VTI1A: variants seen among roughly 807,000 people sequenced by gnomAD.
The protein encoded by VTI1A is vesicle transport through interaction with t-SNAREs 1A.
In VTI1A, 22 loss-of-function variants were observed where a neutral mutation model predicts 34.9. The observed-to-expected ratio is 0.63, with a 90% CI of 0.45 to 0.90. The LOEUF is 0.90. Ranked by LOEUF, VTI1A falls within the 40% of genes least tolerant of loss-of-function variation. The pLI is 0.00. For synonymous variants in VTI1A, 87 were observed against 97.3 expected, an observed-to-expected ratio of 0.89 and a Z score of 0.62; for missense variants, 268 against 275.6, an observed-to-expected ratio of 0.97 and a Z score of 0.20.
intron 7 of VTI1A, among the ~76,000 whole-genome samples, chr10:112,695,746 C>A (rs6585171): frequency 5.3e-5 from 8 of 151,988 alleles, no homozygotes; most frequent in African/African-American, 1.9e-4. Context: ...CCAAGCAGCC[C>A]TGGAGTGGAC....
At chr10:112,642,215 T>A (rs77409651) in intron 5 of VTI1A, among the ~76,000 whole-genome samples, 8,923 of 152,218 alleles carry the variant, frequency 0.059, 668 homozygotes, top group East Asian at 0.31. Context: ...TTGTTCCAAT[T>A]TTTTTCCTAA....
At chr10:112,620,562 G>C (rs112655411) in intron 5 of VTI1A, among the ~76,000 whole-genome samples, 22 of 152,188 alleles carry the variant, frequency 1.4e-4, no homozygotes, top group African/African-American at 5.3e-4. Flanking sequence ...AGGCCGAGGC[G>C]GGTGGATGAC....
chr10:112,464,715 A>G (rs1254413175), intron 3 of VTI1A, 58 bp downstream of exon 3: 27 of 1,447,904 alleles, frequency 1.9e-5, no homozygotes, highest in Non-Finnish European at 2.6e-5. Context: ...TTTCCTCCTC[A>G]TGCCTCAGTC....
the VTI1A span, chr10:112,826,384 T>C: frequency 6.6e-6 from 1 of 152,228 alleles, no homozygotes; most frequent in Non-Finnish European, 1.5e-5. Flanking sequence ...GCAGTCTCTC[T>C]CCCAGGTATT....
At chr10:112,662,922 TACAA>T (rs71035396) in intron 5 of VTI1A, among the ~76,000 whole-genome samples, 1,880 of 106,130 alleles carry the variant, frequency 0.018, 39 homozygotes, top group African/African-American at 0.041. Flanking sequence ...TGCTTCTTCT[TACAA>T]ACAAACAAAC....
chr10:112,799,437 T>C (rs4918778), intron 7 of VTI1A, among the ~76,000 whole-genome samples: 120,839 of 152,130 alleles, frequency 0.79, 49,118 homozygotes, highest in Non-Finnish European at 0.89. Context: ...CTTATCTTGG[T>C]AAATCAGAAG....
intron 3 of VTI1A, among the ~76,000 whole-genome samples, chr10:112,525,571 G>T (rs190755745): frequency 2.0e-5 from 3 of 152,188 alleles, no homozygotes; most frequent in East Asian, 1.9e-4. Context: ...GGAATGTCTA[G>T]GTTTATTTAT....
the VTI1A span, among the ~76,000 whole-genome samples, chr10:112,853,785 G>C: frequency 2.0e-5 from 3 of 152,188 alleles, no homozygotes; most frequent in Non-Finnish European, 4.4e-5. Context: ...AGATTCTCCA[G>C]CTGTGGCCCT....
At chr10:112,620,456 A>G (rs1472924335) in intron 5 of VTI1A, among the ~76,000 whole-genome samples, 1 of 152,148 alleles carries the variant, frequency 6.6e-6, no homozygotes, top group Non-Finnish European at 1.5e-5. Flanking sequence ...TCAAGTGGGG[A>G]GAACTGGTAG....
intron 5 of VTI1A, among the ~76,000 whole-genome samples, chr10:112,565,616 C>T (rs1299041933): frequency 1.3e-5 from 2 of 152,084 alleles, no homozygotes; most frequent in African/African-American, 4.8e-5. Flanking sequence ...TAGTTTGCTC[C>T]TCATGCTGTA....
intron 7 of VTI1A, among the ~76,000 whole-genome samples, chr10:112,721,567 G>T (rs1332474198): frequency 6.6e-6 from 1 of 152,148 alleles, no homozygotes; most frequent in Non-Finnish European, 1.5e-5. Context: ...AGGCCTGAAG[G>T]GCTTTAGTTA....
intron 7 of VTI1A, among the ~76,000 whole-genome samples, chr10:112,678,924 G>A (rs1037213934): frequency 1.3e-5 from 2 of 152,194 alleles, no homozygotes; most frequent in African/African-American, 4.8e-5. Context: ...AGAAAACCTT[G>A]TAATGCTGAC....
At chr10:112,771,539 T>C (rs11196102) in intron 7 of VTI1A, among the ~76,000 whole-genome samples, 53 of 152,260 alleles carry the variant, frequency 3.5e-4, no homozygotes, top group Non-Finnish European at 1.0e-4. Context: ...TTTCAGTAAC[T>C]GCTTTATTGA....
rs1590185494 is a variant in VTI1A, at chr10:112,788,665, T to C, written c.561-26625T>C. 2.0e-5 allele frequency among the ~76,000 whole-genome samples: 3 copies of C among 152,156 alleles called. No homozygotes were observed. The East Asian group carries it at 5.8e-4, about 29-fold the overall frequency. The stretch of plus-strand genomic sequence containing the variant: ...ATTTAGTCCATTAACATTTAACATG[T>C]GATTTTTTTTAGTCCTGTTGAATTT... On this transcript the variant is annotated intron_variant, in intron 7 of 7. Coordinates refer to ENST00000393077, the MANE Select transcript of VTI1A (RefSeq NM_145206.4).
chr10:112,612,451 C>T (rs902230975), intron 5 of VTI1A, among the ~76,000 whole-genome samples: 2 of 152,196 alleles, frequency 1.3e-5, no homozygotes, highest in African/African-American at 2.4e-5. Context: ...GTCTTGCTCA[C>T]TCTGTCACCC....
intron 5 of VTI1A, among the ~76,000 whole-genome samples, chr10:112,594,397 G>A (rs1472854943): frequency 6.6e-6 from 1 of 152,066 alleles, no homozygotes; most frequent in Non-Finnish European, 1.5e-5. Flanking sequence ...CGACATGATT[G>A]TATATCTAGA....
At chr10:112,646,265 A>C (rs751270673) in intron 5 of VTI1A, among the ~76,000 whole-genome samples, 1 of 152,214 alleles carries the variant, frequency 6.6e-6, no homozygotes, top group Non-Finnish European at 1.5e-5. Flanking sequence ...AGTTAAAAAA[A>C]TAAAATAAAA....
chr10:112,569,102 C>T (rs1489282252), intron 5 of VTI1A, among the ~76,000 whole-genome samples: 23 of 151,756 alleles, frequency 1.5e-4, no homozygotes, highest in Admixed American at 1.1e-3. Context: ...TTGCAGTGGG[C>T]TGAGATCGTG....
rs540117460 is a variant in VTI1A, at chr10:112,802,220, C to G, written c.561-13070C>G. Among the ~76,000 whole-genome samples the G allele has an allele frequency of 2.6e-5, 4 of 152,314 alleles. No individual in the cohort carries two copies. The East Asian group carries it at 7.7e-4, about 29-fold the overall frequency. ...TGCCATGGCACTCCAGCCTGGGCAA[C>G]AGGGAGACACCTTGTCTCAAAAAAT... On this transcript the variant is annotated intron_variant, in intron 7 of 7. Coordinates refer to ENST00000393077, the MANE Select transcript of VTI1A (RefSeq NM_145206.4).
Sources: allele counts gnomAD v4.1 joint callset (sites outside exome capture counted in the v4.1 genomes callset), GRCh38; gene constraint gnomAD v4.1.1; transcripts MANE v1.5; gene names NCBI Gene and HGNC (gene_info 2026-07-23, HGNC 2026-07-21).